Variants in PTRH1 observed in about 807,000 individuals in gnomAD.
The protein encoded by PTRH1 is peptidyl-tRNA hydrolase 1 homolog.
Under a neutral mutation model 15.7 loss-of-function variants are expected in PTRH1, and 13 were observed. That is an observed-to-expected ratio of 0.83 (90% CI 0.54 to 1.31). PTRH1 has a LOEUF of 1.31. PTRH1 is among the 40% of genes most tolerant of loss of function. PTRH1 has a pLI of 0.00. For synonymous variants in PTRH1, 139 were observed against 136.7 expected (o/e 1.02, Z -0.12); for missense variants, 319 against 296.2 (o/e 1.08, Z -0.56).
chr9:127,699,726 A>AC (rs1842590511), intron 1 of PTRH1, among the ~76,000 whole-genome samples: 3 of 151,912 alleles, frequency 2.0e-5, no homozygotes, highest in Admixed American at 2.0e-4. Flanking sequence ...GAAAAAAAAA[A>AC]CAAAAAAACT....
At chr9:127,709,679 A>G (rs1842719449), downstream of PTRH1, 4 of 1,613,304 alleles carry the variant, frequency 2.5e-6, no homozygotes, top group African/African-American at 4.0e-5. The surrounding 1 kb of genome is among the most constrained non-coding windows in gnomAD (Gnocchi z 4.7). Flanking sequence ...CTCACCACGG[A>G]GAACATCATC....
intron 1 of PTRH1, among the ~76,000 whole-genome samples, chr9:127,704,110 G>C (rs1000775422): frequency 6.6e-6 from 1 of 152,176 alleles, no homozygotes; most frequent in African/African-American, 2.4e-5. Flanking sequence ...AGAGCTGGGG[G>C]GTTAGGGGGA....
At chr9:127,706,211 A>C (rs1461235465) in intron 1 of PTRH1, among the ~76,000 whole-genome samples, 2 of 152,050 alleles carry the variant, frequency 1.3e-5, no homozygotes, top group Non-Finnish European at 2.9e-5. Flanking sequence ...GACCTTTCTC[A>C]TCACCAACAG....
rs1842590570 is a variant in PTRH1 at position 127,699,727 on chromosome 9, C to CA, written c.206-4587dup. Among the ~76,000 whole-genome samples the CA allele has an allele frequency of 2.7e-5, 4 of 150,026 alleles. No homozygotes were observed. The South Asian group carries it at 8.4e-4, about 32-fold the overall frequency. ...ATGGGCTATCAGGGGAAAAAAAAAACAAAAAAACTGGTTCTGGGAGTTAGC... is the reference window on the plus strand; with the variant it reads ...ATGGGCTATCAGGGGAAAAAAAAAACAAAAAAAACTGGTTCTGGGAGTTAGC... On this transcript the variant is annotated intron_variant, in intron 1 of 2. Coordinates refer to the PTRH1 transcript ENST00000335223.
chr9:127,699,566 C>T (rs762245245), intron 1 of PTRH1, among the ~76,000 whole-genome samples: 1 of 152,124 alleles, frequency 6.6e-6, no homozygotes, highest in African/African-American at 2.4e-5. Flanking sequence ...AAGCGTTGGT[C>T]ATTCTATCTG....
At chr9:127,713,282 C>T, downstream of PTRH1, 4 of 1,122,896 alleles carry the variant, frequency 3.6e-6, no homozygotes, top group Non-Finnish European at 3.8e-6. Flanking sequence ...TGCCAGGCCA[C>T]AGCTGTGTGG....
At chr9:127,703,719 A>C (rs760201407) in intron 1 of PTRH1, among the ~76,000 whole-genome samples, 2 of 152,216 alleles carry the variant, frequency 1.3e-5, no homozygotes, top group African/African-American at 4.8e-5. Context: ...ACCCTGCTCT[A>C]TAAGTGGGTA....
At chr9:127,697,784 C>G (rs1842573359) in intron 1 of PTRH1, among the ~76,000 whole-genome samples, 1 of 152,214 alleles carries the variant, frequency 6.6e-6, no homozygotes, top group Non-Finnish European at 1.5e-5. Context: ...TACAACTGGG[C>G]TGAATGGTGC....
At position 127,714,082 on chromosome 9, in the gene PTRH1, C is replaced by T; in HGVS notation, c.*18G>A. The stretch of plus-strand genomic sequence containing the variant: ...TTGGTGGGCACTACAGTCAGGCAGG[C>T]AGCCATGGCCACTAGTGTCACGGCC... On this transcript the variant is annotated 3_prime_UTR_variant, in exon 5 of 5. Transcript: ENST00000543175. The T allele has an allele frequency of 6.2e-7, 1 of 1,608,052 alleles. No homozygotes were observed.
downstream of PTRH1, chr9:127,711,779 C>T (rs769140179): frequency 4.7e-5 from 73 of 1,540,348 alleles, no homozygotes; most frequent in East Asian, 1.7e-3. Context: ...AGCTGGGGGA[C>T]AGGGCAGGCT....
downstream of PTRH1, chr9:127,712,168 A>C (rs747411916): frequency 5.0e-6 from 8 of 1,612,080 alleles, no homozygotes; most frequent in Non-Finnish European, 6.8e-6. Flanking sequence ...GGAAGGGGGA[A>C]GGCTGTTGAC....
intron 1 of PTRH1, among the ~76,000 whole-genome samples, chr9:127,706,734 A>G (rs1479069774): frequency 1.3e-5 from 2 of 152,198 alleles, no homozygotes; most frequent in Non-Finnish European, 2.9e-5. Flanking sequence ...CCTGACCCAC[A>G]TGAACTTTCC....
rs554019043 is a variant in PTRH1, at chr9:127,698,781, G to A, written c.206-3640C>T. On this transcript the variant is annotated intron_variant, in intron 1 of 2. Transcript: ENST00000335223. ...CTGGATCTAGGGTGTAATGGTATGG[G>A]GAATCCACCACCTTGTCTGTTTCTA... Among the ~76,000 whole-genome samples, 3 of 152,250 alleles carry A rather than the reference G, an allele frequency of 2.0e-5. No homozygotes were observed. The South Asian group carries it at 6.2e-4, about 32-fold the overall frequency.
At chr9:127,711,378 T>C, downstream of PTRH1, 1 of 1,614,208 alleles carries the variant, frequency 6.2e-7, no homozygotes, top group South Asian at 1.1e-5. Context: ...CAGCAAGGCA[T>C]GAAGCTGCTG....
At chr9:127,699,712 A>AG (rs1392192332) in intron 1 of PTRH1, among the ~76,000 whole-genome samples, 1 of 148,496 alleles carries the variant, frequency 6.7e-6, no homozygotes, top group East Asian at 1.9e-4. Context: ...ATGGGCTATC[A>AG]GGGGAAAAAA....
downstream of PTRH1, chr9:127,711,684 C>T: frequency 8.4e-7 from 1 of 1,190,406 alleles, no homozygotes; most frequent in East Asian, 2.6e-5. Flanking sequence ...TTAAAGCCCC[C>T]ATAACTTATG....
At chr9:127,710,375 C>A (rs1289591517), downstream of PTRH1, among the ~76,000 whole-genome samples, 1 of 151,258 alleles carries the variant, frequency 6.6e-6, no homozygotes, top group Non-Finnish European at 1.5e-5. Context: ...GGAACCTGAA[C>A]AAAACTTCAT....
At chr9:127,700,240 C>T (rs2131577234) in intron 1 of PTRH1, among the ~76,000 whole-genome samples, 1 of 152,320 alleles carries the variant, frequency 6.6e-6, no homozygotes, top group Non-Finnish European at 1.5e-5. Context: ...GCTGCAGCTT[C>T]TCTGGCCTTC....
intron 1 of PTRH1, among the ~76,000 whole-genome samples, chr9:127,698,959 G>A (rs556039473): frequency 1.3e-3 from 191 of 149,980 alleles, no homozygotes; most frequent in African/African-American, 4.5e-3. Context: ...GGAGTGCAGC[G>A]GTGTGATCTC....
Sources: allele counts gnomAD v4.1 joint callset (sites outside exome capture counted in the v4.1 genomes callset), GRCh38; gene constraint gnomAD v4.1.1; non-coding constraint Gnocchi (gnomAD v3.1); transcripts MANE v1.5; gene names NCBI Gene and HGNC (gene_info 2026-07-23, HGNC 2026-07-21).